The following LRRC37A2 variants were observed in gnomAD, a reference collection of about 807,000 sequenced individuals.
LRRC37A2 encodes leucine-rich repeat-containing protein 37A2.
Under a neutral mutation model 68.8 loss-of-function variants are expected in LRRC37A2, and 9 were observed. The ratio of observed to expected loss-of-function variants is 0.13; its 90% CI spans 0.08 to 0.23. The LOEUF is 0.23. Among genes scored for constraint, LRRC37A2 ranks in the 10% least tolerant of loss-of-function variants. The pLI is 1.00. For synonymous variants in LRRC37A2, 63 were observed against 367.6 expected, an observed-to-expected ratio of 0.17 and a Z score of 9.48; for missense variants, 168 against 950.4, an observed-to-expected ratio of 0.18 and a Z score of 10.82.
the LRRC37A2 span, among the ~76,000 whole-genome samples, chr17:46,413,501 C>T: frequency 4.8e-5 from 1 of 20,850 alleles, no homozygotes; most frequent in African/African-American, 6.2e-5. Flanking sequence ...CACACACACA[C>T]ACACACACAC....
chr17:46,923,111 G>C, the LRRC37A2 span: 1 of 1,003,806 alleles, frequency 1.0e-6, no homozygotes, highest in East Asian at 2.6e-5. Context: ...CCTGCGACCG[G>C]AAGCCGGAAA....
the LRRC37A2 span, among the ~76,000 whole-genome samples, chr17:46,800,466 C>T: frequency 3.9e-5 from 6 of 152,208 alleles, no homozygotes; most frequent in African/African-American, 1.4e-4. Flanking sequence ...GTGTGAGGCT[C>T]GCTAGTGATG....
At chr17:46,491,150 G>A in the LRRC37A2 span, among the ~76,000 whole-genome samples, 1 of 151,050 alleles carries the variant, frequency 6.6e-6, no homozygotes, top group Non-Finnish European at 1.5e-5. Context: ...GCCCGCCTCA[G>A]CTTCCCAAAG....
chr17:46,841,787 G>A, the LRRC37A2 span, among the ~76,000 whole-genome samples: 2 of 152,254 alleles, frequency 1.3e-5, no homozygotes, highest in African/African-American at 2.4e-5. Context: ...CCTGCATCCA[G>A]CTGAGAGACC....
At chr17:46,921,316 T>G in the LRRC37A2 span, 139 of 152,304 alleles carry the variant, frequency 9.1e-4, no homozygotes, top group African/African-American at 3.3e-3. Context: ...CCTTACACCT[T>G]ATACAAAAAT....
the LRRC37A2 span, among the ~76,000 whole-genome samples, chr17:46,806,471 A>G: frequency 6.6e-6 from 1 of 152,066 alleles, no homozygotes; most frequent in South Asian, 2.1e-4. Flanking sequence ...TGTCCCCCAA[A>G]GTGCCGGGGT....
the LRRC37A2 span, among the ~76,000 whole-genome samples, chr17:46,855,931 C>T: frequency 5.9e-5 from 9 of 152,166 alleles, no homozygotes; most frequent in South Asian, 1.5e-3. Flanking sequence ...TCAAATGATC[C>T]ACCCACCTCA....
chr17:46,860,408 C>A, the LRRC37A2 span, among the ~76,000 whole-genome samples: 1 of 152,128 alleles, frequency 6.6e-6, no homozygotes, highest in Non-Finnish European at 1.5e-5. Flanking sequence ...CAGGATCGGA[C>A]ATGGCCCAAG....
the LRRC37A2 span, among the ~76,000 whole-genome samples, chr17:46,740,269 G>A: frequency 6.6e-6 from 1 of 152,204 alleles, no homozygotes; most frequent in South Asian, 2.1e-4. Flanking sequence ...GCCTAAAGGA[G>A]CAATGTGGGC....
the LRRC37A2 span, chr17:46,978,374 G>C: frequency 4.8e-6 from 2 of 420,596 alleles, no homozygotes; most frequent in Non-Finnish European, 8.1e-6. Context: ...TGCCCCGAAC[G>C]TCTTAAAAAA....
the LRRC37A2 span, among the ~76,000 whole-genome samples, chr17:46,837,582 G>A: frequency 2.0e-5 from 3 of 152,180 alleles, no homozygotes; most frequent in South Asian, 2.1e-4. Flanking sequence ...TGACCTGTCC[G>A]AGGTCATAGT....
the LRRC37A2 span, among the ~76,000 whole-genome samples, chr17:46,493,330 T>TTTG: frequency 1.6e-5 from 2 of 128,898 alleles, no homozygotes; most frequent in Non-Finnish European, 3.2e-5. Flanking sequence ...TGGCTAGTTT[T>TTTG]TTTTTTTTTT....
the LRRC37A2 span, chr17:46,833,057 G>A: frequency 3.0e-6 from 1 of 334,142 alleles, no homozygotes; most frequent in South Asian, 2.4e-5. Context: ...AGTGACTGCT[G>A]TGTCCCTGAA....
At chr17:46,972,238 C>T in the LRRC37A2 span, among the ~76,000 whole-genome samples, 3 of 152,232 alleles carry the variant, frequency 2.0e-5, no homozygotes, top group African/African-American at 7.2e-5. Flanking sequence ...CCACCCGCTT[C>T]TTCCTCCTCT....
the LRRC37A2 span, chr17:46,949,259 C>T: frequency 6.6e-6 from 1 of 152,326 alleles, no homozygotes; most frequent in East Asian, 1.9e-4. Flanking sequence ...GTCGCTGAGC[C>T]CTGGACTGGG....
the LRRC37A2 span, among the ~76,000 whole-genome samples, chr17:46,853,463 A>G: frequency 7.0e-6 from 1 of 142,250 alleles, no homozygotes; most frequent in African/African-American, 2.7e-5. Flanking sequence ...CCTCCATCTC[A>G]TGGGTTCAAG....
At chr17:46,812,215 C>T in the LRRC37A2 span, among the ~76,000 whole-genome samples, 1 of 152,270 alleles carries the variant, frequency 6.6e-6, no homozygotes, top group African/African-American at 2.4e-5. Context: ...CCCTCTCTGG[C>T]AGCGGGATAA....
chr17:47,016,282 C>T, the LRRC37A2 span, among the ~76,000 whole-genome samples: 1 of 151,352 alleles, frequency 6.6e-6, no homozygotes, highest in Non-Finnish European at 1.5e-5. Context: ...CACCCTATGC[C>T]TATGCCAGGC....
the LRRC37A2 span, among the ~76,000 whole-genome samples, chr17:46,766,900 G>C: frequency 6.6e-6 from 1 of 152,262 alleles, no homozygotes; most frequent in Non-Finnish European, 1.5e-5. Context: ...CCTGTCCTCG[G>C]TGTCCTTTCA....
Sources: allele counts gnomAD v4.1 joint callset (sites outside exome capture counted in the v4.1 genomes callset), GRCh38; gene constraint gnomAD v4.1.1; transcripts MANE v1.5; gene names NCBI Gene and HGNC (gene_info 2026-07-23, HGNC 2026-07-21).